The following CHD6 variants were observed in gnomAD, a reference collection of about 807,000 sequenced individuals.
CHD6 encodes the protein ATP-dependent chromatin remodeler CHD6.
In CHD6, 50 loss-of-function variants were observed where a neutral mutation model predicts 276.9. That is an observed-to-expected ratio of 0.18 (90% CI 0.14 to 0.23). The LOEUF (loss-of-function observed/expected upper bound fraction) is 0.23. Among genes scored for constraint, CHD6 ranks in the 10% least tolerant of loss-of-function variants. The pLI, the probability that CHD6 is intolerant of heterozygous loss-of-function variation, is 1.00. For missense variants in CHD6, 2,564 were observed against 3,365.8 expected (o/e 0.76, Z 5.89); for synonymous variants, 1,173 against 1,229.3 (o/e 0.95, Z 0.96).
intron 25 of CHD6, among the ~76,000 whole-genome samples, chr20:41,444,228 C>T (rs868050499): frequency 2.2e-4 from 34 of 152,202 alleles, no homozygotes; most frequent in Admixed American, 1.6e-3. Context: ...AGGGAGATCA[C>T]GCACTTCCTT....
At chr20:41,554,908 A>T (rs1046813306) in intron 1 of CHD6, among the ~76,000 whole-genome samples, 1 of 152,158 alleles carries the variant, frequency 6.6e-6, no homozygotes, top group South Asian at 2.1e-4. Context: ...CACCTCCCAG[A>T]CGGGGTGGTG....
intron 1 of CHD6, among the ~76,000 whole-genome samples, chr20:41,617,652 A>G (rs2045946388): frequency 6.6e-6 from 1 of 152,244 alleles, no homozygotes; most frequent in East Asian, 1.9e-4. Flanking sequence ...ATGCGATCTA[A>G]TAATGCACAA....
rs779956600 is a variant in CHD6 at position 41,405,022 on chromosome 20, C to T, written c.7719G>A (p.Pro2573=). 24 of 1,614,084 alleles carry T rather than the reference C, an allele frequency of 1.5e-5. No individual in the cohort carries two copies. The highest frequency in any genetic ancestry group is 6.6e-5 in the South Asian group (6 of 91,086). ...AVTEKTAEDK[P]SSHDVKTDTL... is the part of the protein sequence containing the mutation. ...TGTCTGTTTTCACATCATGGCTACT[C>T]GGCTTGTCTTCCGCAGTCTTTTCAG... is the stretch of plus-strand genomic sequence containing the variant. Residue 2573 remains proline (P), a synonymous_variant, in exon 37 of 37, where the codon CCG becomes CCA. Transcript: ENST00000373233.
intron 11 of CHD6, among the ~76,000 whole-genome samples, chr20:41,491,056 G>A (rs2043540928): frequency 6.6e-6 from 1 of 151,948 alleles, no homozygotes; most frequent in African/African-American, 2.4e-5. Context: ...GTGAGTGGTG[G>A]GTGATGTGAA....
At chr20:41,539,081 C>A (rs528332474) in intron 2 of CHD6, among the ~76,000 whole-genome samples, 1 of 152,176 alleles carries the variant, frequency 6.6e-6, no homozygotes, top group Non-Finnish European at 1.5e-5. Flanking sequence ...GAACTCCCTG[C>A]AGGAAACCTG....
At chr20:41,546,427 T>C (rs1417881487) in intron 2 of CHD6, among the ~76,000 whole-genome samples, 1 of 152,218 alleles carries the variant, frequency 6.6e-6, no homozygotes, top group Non-Finnish European at 1.5e-5. Flanking sequence ...CATTGCTTAT[T>C]AACTGTCTTC....
At chr20:41,460,162 A>G (rs969531185) in intron 17 of CHD6, among the ~76,000 whole-genome samples, 1 of 152,242 alleles carries the variant, frequency 6.6e-6, no homozygotes, top group Non-Finnish European at 1.5e-5. Context: ...ATCTGGTGGG[A>G]GAAATTTCTA....
chr20:41,533,360 T>C lies in CHD6; in HGVS notation c.244A>G (p.Met82Val). 1.2e-6 allele frequency: 2 copies of C among 1,614,080 alleles called. No individual in the cohort carries two copies. Among genetic ancestry groups the C allele is most frequent in the Non-Finnish European group, 1.7e-6 (2 of 1,180,018 alleles). ...FPRKMTSHNGMEDSGGGGTGV... is the reference protein window; with the variant it reads ...FPRKMTSHNGVEDSGGGGTGV... ...GTACCTCCTCCTCCACTGTCCTCCA[T>C]CCCATTATGGGATGTCATTTTCCTA... is the stretch of plus-strand genomic sequence containing the variant. The change falls in exon 3 of 37, where the codon ATG becomes GTG. Residue 82 changes from methionine (M) to valine (V), a missense_variant. Physicochemically the swap from Met to Val is conservative, Grantham distance 21. Around this residue, in one of 7 missense-constraint regions of CHD6, gnomAD observed 286 missense variants for 297.8 expected, o/e 0.96. Transcript: ENST00000373233.
At position 41,493,590 on chromosome 20, in the gene CHD6, G is replaced by T; in HGVS notation, c.1262C>A (p.Ala421Glu). 6.2e-7 allele frequency: 1 copy of T among 1,613,836 alleles called. No individual in the cohort carries two copies. Among genetic ancestry groups the T allele is most frequent in the Non-Finnish European group, 8.5e-7 (1 of 1,179,830 alleles). The change falls in exon 10 of 37, where the codon GCA (alanine) becomes GAA (glutamate). Residue 421 changes from alanine to glutamate, a missense_variant. Coordinates refer to ENST00000373233, the MANE Select transcript of CHD6 (RefSeq NM_032221.5). ...AAGAGATTCAAATTCTTTAACTTTT[G>T]CAGGATCTACATCTTCCTCTAGCTC... is the stretch of plus-strand genomic sequence containing the variant. Reference protein sequence around the residue: ...TWELEEDVDPAKVKEFESLQV... With the variant: ...TWELEEDVDPEKVKEFESLQV...
At chr20:41,497,715 C>T (rs2043722062) in intron 7 of CHD6, 1 of 552,994 alleles carries the variant, frequency 1.8e-6, no homozygotes, top group African/African-American at 1.9e-5. Context: ...GATCTCTCTG[C>T]AGCTTCTAGA....
intron 3 of CHD6, among the ~76,000 whole-genome samples, chr20:41,523,554 T>C (rs2044454879): frequency 6.6e-6 from 1 of 152,230 alleles, no homozygotes; most frequent in Admixed American, 6.5e-5. Context: ...ATCAAAGCTT[T>C]TATCCTGTCT....
chr20:41,519,022 C>T (rs896361131), intron 3 of CHD6, among the ~76,000 whole-genome samples: 4 of 152,200 alleles, frequency 2.6e-5, no homozygotes, highest in African/African-American at 9.7e-5. Flanking sequence ...TGGCTCATGA[C>T]TGTAATCCCA....
chr20:41,604,379 A>T (rs1463862315), intron 1 of CHD6, among the ~76,000 whole-genome samples: 1 of 152,232 alleles, frequency 6.6e-6, no homozygotes, highest in Non-Finnish European at 1.5e-5. Flanking sequence ...ATAGTTAAAG[A>T]TTAGAGGAGT....
Position 41,457,244 on chromosome 20 carries a change from A to G in CHD6, c.2829+20T>C, listed in dbSNP as rs760891993. On this transcript the variant is annotated intron_variant, in intron 18 of 36. Coordinates refer to ENST00000373233, the MANE Select transcript of CHD6 (RefSeq NM_032221.5). ...CGACCAATGTTCCTTAAGACTCCAG[A>G]GCAGGCCCATCACACTCACCCCATT... 30 of 1,607,584 alleles carry G rather than the reference A, an allele frequency of 1.9e-5. No individual in the cohort carries two copies. The South Asian group carries it at 3.2e-4, about 17-fold the overall frequency.
chr20:41,471,964 T>C (rs1341991006), intron 17 of CHD6, among the ~76,000 whole-genome samples: 2 of 152,168 alleles, frequency 1.3e-5, no homozygotes, highest in African/African-American at 2.4e-5. Context: ...CCGGGTGCAG[T>C]GGCTGACACC....
chr20:41,456,069 T>C (rs1021057287), intron 18 of CHD6, 90 bp from the exon 19 acceptor site: 5 of 1,248,142 alleles, frequency 4.0e-6, no homozygotes, highest in Admixed American at 2.6e-5. Context: ...CAGTGCATAG[T>C]TCCTCCATGA....
intron 5 of CHD6, among the ~76,000 whole-genome samples, chr20:41,511,542 C>T (rs958616860): frequency 5.9e-5 from 9 of 152,296 alleles, no homozygotes; most frequent in African/African-American, 2.2e-4. Context: ...AGTGGTCCTA[C>T]TCCTCTGCCT....
At position 41,403,874 on chromosome 20, in the gene CHD6, T is replaced by C. The variant is rs1365125753; in HGVS notation, c.*719A>G. The C allele has an allele frequency of 1.9e-6, 2 of 1,057,008 alleles. No homozygotes were observed. The highest frequency in any genetic ancestry group is 1.1e-6 in the Non-Finnish European group (1 of 874,152). The allele number at this position is 1,057,008 out of a possible 1,614,324, so 65.5% of individuals were successfully genotyped here. ...CAATAACTCATGGTGGGTAAAGCTT[T>C]CTCGCAGCAAGAGGAATCTTTTCAC... On this transcript the variant is annotated 3_prime_UTR_variant, in exon 37 of 37. Transcript: ENST00000373233.
chr20:41,428,927 C>A (rs2047447995), intron 27 of CHD6, among the ~76,000 whole-genome samples: 2 of 152,124 alleles, frequency 1.3e-5, no homozygotes, highest in South Asian at 4.1e-4. Context: ...TATTTGAGTT[C>A]ACAGAACCCT....
Sources: gnomAD v4.1 joint callset for allele counts (sites outside exome capture counted in the v4.1 genomes callset) on GRCh38, gnomAD v4.1.1 for gene constraint, gnomAD v4.1.1 regional missense constraint, MANE v1.5 for transcripts, NCBI Gene and HGNC (gene_info 2026-07-23, HGNC 2026-07-21) for gene names.